NELL1: variants seen among roughly 807,000 people sequenced by gnomAD.
NELL1 encodes neural EGFL like 1, also known as protein kinase C-binding protein NELL1.
Under a neutral mutation model 107.4 loss-of-function variants are expected in NELL1, and 76 were observed. The observed-to-expected ratio is 0.71, with a 90% CI of 0.59 to 0.86. NELL1 has a LOEUF of 0.86. Ranked by LOEUF, NELL1 falls within the 40% of genes least tolerant of loss-of-function variation. The pLI is 0.00. For missense variants in NELL1, 1,024 were observed against 1,005.5 expected, an observed-to-expected ratio of 1.02 and a Z score of -0.25; for synonymous variants, 353 against 341.2, an observed-to-expected ratio of 1.03 and a Z score of -0.38.
intron 14 of NELL1, among the ~76,000 whole-genome samples, chr11:21,357,627 T>C (rs1387786480): frequency 6.6e-6 from 1 of 152,254 alleles, no homozygotes; most frequent in Non-Finnish European, 1.5e-5. Flanking sequence ...TTTCTTTTGC[T>C]GTGCAGAAGC....
chr11:21,365,821 G>C (rs920600013), intron 14 of NELL1, among the ~76,000 whole-genome samples: 2 of 151,244 alleles, frequency 1.3e-5, no homozygotes, highest in African/African-American at 4.9e-5. Flanking sequence ...AGAGGTTGAG[G>C]GGGGAGGAAT....
chr11:20,964,609 T>A (rs1851353627), intron 12 of NELL1, among the ~76,000 whole-genome samples: 1 of 152,176 alleles, frequency 6.6e-6, no homozygotes, highest in South Asian at 2.1e-4. Flanking sequence ...TCAACTCATT[T>A]CTACTCTAGA....
chr11:20,811,690 G>T lies in NELL1; in HGVS notation c.335+27860G>T, dbSNP rs1396037158. 4.6e-5 allele frequency among the ~76,000 whole-genome samples: 7 copies of T among 151,796 alleles called. No individual in the cohort carries two copies. The East Asian group carries it at 1.4e-3, about 29-fold the overall frequency. On this transcript the variant is annotated intron_variant, in intron 3 of 19. Coordinates refer to ENST00000357134, the MANE Select transcript of NELL1 (RefSeq NM_006157.5). ...ACTTTTCTTCTGGGTAATATTTTTG[G>T]TAGTTATTGTAAATTGGATTGCTTT... is the stretch of plus-strand genomic sequence containing the variant.
intron 3 of NELL1, among the ~76,000 whole-genome samples, chr11:20,791,736 T>TG (rs1198610167): frequency 6.6e-6 from 1 of 151,588 alleles, no homozygotes; most frequent in African/African-American, 2.4e-5. Context: ...GGAGGTTTTT[T>TG]TTTTTTTTTT....
At chr11:20,939,410 G>A (rs1333382322) in intron 10 of NELL1, among the ~76,000 whole-genome samples, 2 of 151,940 alleles carry the variant, frequency 1.3e-5, no homozygotes, top group Non-Finnish European at 2.9e-5. Flanking sequence ...TTAGGAAGCA[G>A]AAACCATAGC....
intron 15 of NELL1, among the ~76,000 whole-genome samples, chr11:21,450,800 TTAATA>T (rs577262334): frequency 9.3e-4 from 142 of 152,130 alleles, no homozygotes; most frequent in African/African-American, 3.3e-3. Flanking sequence ...TTTCTTAACA[TTAATA>T]TAATATTTTT....
chr11:21,379,141 A>G (rs1352372769), intron 15 of NELL1, among the ~76,000 whole-genome samples: 1 of 152,100 alleles, frequency 6.6e-6, no homozygotes, highest in Non-Finnish European at 1.5e-5. Flanking sequence ...TGCCAATTAT[A>G]CTACATTTCC....
Position 20,919,344 on chromosome 11 carries a change from TA to T in NELL1, c.759+13del. 6.7e-7 allele frequency: 1 copy of T among 1,501,592 alleles called. No homozygotes were observed. The highest frequency in any genetic ancestry group is 9.2e-7 in the Non-Finnish European group (1 of 1,083,426). 93.0% of individuals were successfully genotyped at this position (1,501,592 alleles called of 1,614,324 possible). A position where few individuals can be genotyped will look rare whatever the true frequency, so the allele number is the denominator to read the frequency against. ...CAAGATGACTGCAAAAGTAGGTATC[TA>T]AATTTCATTTGTGATGTTTCATTTC... On this transcript the variant is annotated intron_variant, in intron 7 of 19. Transcript: ENST00000357134.
At chr11:21,146,140 T>C (rs1855973525) in intron 13 of NELL1, among the ~76,000 whole-genome samples, 1 of 152,132 alleles carries the variant, frequency 6.6e-6, no homozygotes, top group Non-Finnish European at 1.5e-5. Flanking sequence ...AATTATGTAA[T>C]GTGTATAAAA....
intron 4 of NELL1, among the ~76,000 whole-genome samples, chr11:20,849,870 AC>A (rs1306435436): frequency 6.6e-6 from 1 of 152,202 alleles, no homozygotes; most frequent in Non-Finnish European, 1.5e-5. Context: ...AAAATGGATA[AC>A]CAGGCTTTGC....
chr11:20,842,263 A>G (rs1002768847), intron 3 of NELL1, among the ~76,000 whole-genome samples: 28 of 152,104 alleles, frequency 1.8e-4, no homozygotes, highest in African/African-American at 5.8e-4. Flanking sequence ...CTGTAATCCC[A>G]GCTACTCAGG....
At chr11:21,216,870 CT>C (rs1279394108) in intron 13 of NELL1, among the ~76,000 whole-genome samples, 5 of 152,070 alleles carry the variant, frequency 3.3e-5, no homozygotes, top group African/African-American at 1.2e-4. Flanking sequence ...CTTTGGGGGA[CT>C]GTTGGCAAGG....
chr11:20,923,449 A>G (rs115321032), intron 7 of NELL1, among the ~76,000 whole-genome samples: 3,051 of 152,282 alleles, frequency 0.02, 113 homozygotes, highest in African/African-American at 0.069. Flanking sequence ...TGGGGCTGCT[A>G]CCTCAAGTAA....
chr11:20,774,506 C>T (rs1033497205), intron 2 of NELL1, among the ~76,000 whole-genome samples: 1 of 149,986 alleles, frequency 6.7e-6, no homozygotes. Context: ...GCTGAGATTA[C>T]AGGCATATGC....
intron 14 of NELL1, among the ~76,000 whole-genome samples, chr11:21,285,108 C>A (rs900948911): frequency 2.0e-5 from 3 of 152,102 alleles, no homozygotes; most frequent in Non-Finnish European, 4.4e-5. Context: ...AGGGTGGGGG[C>A]CTGTGTGAAC....
At chr11:21,433,106 T>C (rs2133835909) in intron 15 of NELL1, among the ~76,000 whole-genome samples, 1 of 152,318 alleles carries the variant, frequency 6.6e-6, no homozygotes, top group South Asian at 2.1e-4. Context: ...AGTGAGAACA[T>C]GTGATGCTAA....
chr11:20,811,455 AT>A (rs551437189), intron 3 of NELL1, among the ~76,000 whole-genome samples: 2,784 of 150,976 alleles, frequency 0.018, 32 homozygotes, highest in South Asian at 0.033. Flanking sequence ...TAATTTTAGG[AT>A]TTTTTTTTCT....
chr11:20,788,918 CAT>C (rs1298287067), intron 3 of NELL1, among the ~76,000 whole-genome samples: 1 of 152,240 alleles, frequency 6.6e-6, no homozygotes, highest in Non-Finnish European at 1.5e-5. Context: ...TTTTATATAT[CAT>C]GTGAGGTAGG....
At chr11:21,503,981 G>A (rs1344847104) in intron 15 of NELL1, 1 of 152,066 alleles carries the variant, frequency 6.6e-6, no homozygotes. Flanking sequence ...CCCTTGTCCA[G>A]TGCTAGATCC....
Sources: allele counts gnomAD v4.1 joint callset (sites outside exome capture counted in the v4.1 genomes callset), GRCh38; gene constraint gnomAD v4.1.1; transcripts MANE v1.5; gene names NCBI Gene and HGNC (gene_info 2026-07-23, HGNC 2026-07-21).